Variants in CAMK1D observed in about 807,000 individuals in gnomAD.
The protein encoded by CAMK1D is calcium/calmodulin dependent protein kinase ID, also known as calcium/calmodulin-dependent protein kinase type 1D.
Under a neutral mutation model 47.7 loss-of-function variants are expected in CAMK1D, and 9 were observed. That is an observed-to-expected ratio of 0.19 (90% CI 0.11 to 0.33). The LOEUF (loss-of-function observed/expected upper bound fraction) is 0.33, where lower values mean the gene tolerates loss of function less well. Ranked by LOEUF, CAMK1D falls within the 10% of genes least tolerant of loss-of-function variation. The pLI, the probability that CAMK1D is intolerant of heterozygous loss-of-function variation, is 1.00. For missense variants in CAMK1D, 291 were observed against 488.7 expected (o/e 0.60, Z 3.81); for synonymous variants, 184 against 184.9 (o/e 0.99, Z 0.04).
chr10:12,389,015 CA>C (rs1427418722), intron 1 of CAMK1D, among the ~76,000 whole-genome samples: 1 of 152,180 alleles, frequency 6.6e-6, no homozygotes, highest in Non-Finnish European at 1.5e-5. Context: ...ATGGAGACAC[CA>C]CCATACTCCA....
At chr10:12,803,930 G>T (rs1011048443) in intron 6 of CAMK1D, among the ~76,000 whole-genome samples, 1 of 152,162 alleles carries the variant, frequency 6.6e-6, no homozygotes, top group African/African-American at 2.4e-5. Flanking sequence ...GGCTGGGAGC[G>T]GGAGGCGCCA....
intron 1 of CAMK1D, among the ~76,000 whole-genome samples, chr10:12,547,891 G>C (rs1836446371): frequency 6.6e-6 from 1 of 152,188 alleles, no homozygotes; most frequent in Admixed American, 6.5e-5. Context: ...TCTTTGGAAA[G>C]CTTAAAGCGG....
intron 3 of CAMK1D, among the ~76,000 whole-genome samples, chr10:12,755,311 A>G (rs1836179606): frequency 6.6e-6 from 1 of 152,156 alleles, no homozygotes; most frequent in Admixed American, 6.6e-5. Flanking sequence ...GTGTGGGATG[A>G]TGGACAGCTG....
intron 1 of CAMK1D, among the ~76,000 whole-genome samples, chr10:12,478,462 G>A (rs373474623): frequency 2.0e-5 from 3 of 151,670 alleles, no homozygotes; most frequent in East Asian, 1.9e-4. Context: ...CCACCATCCT[G>A]TCTAATTTTT....
chr10:12,386,628 C>T (rs978993779), intron 1 of CAMK1D, among the ~76,000 whole-genome samples: 4 of 152,182 alleles, frequency 2.6e-5, no homozygotes, highest in Admixed American at 1.3e-4. Flanking sequence ...AATAAGTTAA[C>T]AAATAATATG....
At chr10:12,502,946 G>A (rs11816627) in intron 1 of CAMK1D, among the ~76,000 whole-genome samples, 10,788 of 152,280 alleles carry the variant, frequency 0.071, 438 homozygotes, top group East Asian at 0.15. Context: ...GCGTCTCCAC[G>A]TTCTCCCCAT....
chr10:12,807,253 A>G (rs957865074), intron 6 of CAMK1D, among the ~76,000 whole-genome samples: 2 of 152,190 alleles, frequency 1.3e-5, no homozygotes, highest in African/African-American at 4.8e-5. Context: ...TTCTGGGTGC[A>G]TGGAACACAT....
chr10:12,504,002 T>A (rs897539197), intron 1 of CAMK1D, among the ~76,000 whole-genome samples: 2 of 152,138 alleles, frequency 1.3e-5, no homozygotes, highest in Admixed American at 1.3e-4. Context: ...CCGCATCCAC[T>A]GAGGCATGGA....
intron 2 of CAMK1D, among the ~76,000 whole-genome samples, chr10:12,637,952 C>T (rs80212308): frequency 0.01 from 1,530 of 152,282 alleles, 24 homozygotes; most frequent in African/African-American, 0.035. Context: ...GTAGCCTCAT[C>T]CTATCCACAG....
intron 1 of CAMK1D, among the ~76,000 whole-genome samples, chr10:12,511,863 C>T (rs956782822): frequency 6.6e-6 from 1 of 152,216 alleles, no homozygotes; most frequent in African/African-American, 2.4e-5. Context: ...GCCAAGCCAG[C>T]GGCATCTCCA....
At chr10:12,411,703 A>G (rs951465713) in intron 1 of CAMK1D, among the ~76,000 whole-genome samples, 2 of 150,160 alleles carry the variant, frequency 1.3e-5, no homozygotes, top group South Asian at 2.1e-4. Context: ...GGTTCAAGCG[A>G]TTCTTCTGCC....
chr10:12,634,528 A>G (rs1839461591), intron 2 of CAMK1D, among the ~76,000 whole-genome samples: 1 of 152,144 alleles, frequency 6.6e-6, no homozygotes, highest in Admixed American at 6.5e-5. Context: ...CCCATGGCTT[A>G]GTGGTGTGGG....
chr10:12,565,165 T>C (rs1837082002), intron 2 of CAMK1D, among the ~76,000 whole-genome samples: 2 of 152,206 alleles, frequency 1.3e-5, no homozygotes, highest in South Asian at 4.1e-4. Context: ...GAGCTATGAC[T>C]GTGCCACTGC....
intron 2 of CAMK1D, among the ~76,000 whole-genome samples, chr10:12,662,776 T>C (rs1490665572): frequency 6.6e-6 from 1 of 152,142 alleles, no homozygotes; most frequent in Non-Finnish European, 1.5e-5. Context: ...GGCACTGGGG[T>C]GACAGTAGTG....
chr10:12,708,678 G>T (rs969974587), intron 3 of CAMK1D, among the ~76,000 whole-genome samples: 4 of 152,172 alleles, frequency 2.6e-5, no homozygotes, highest in Non-Finnish European at 5.9e-5. Flanking sequence ...TAACTCCCAA[G>T]ACAGTATAAG....
chr10:12,764,315 A>C (rs1446962909), intron 4 of CAMK1D, among the ~76,000 whole-genome samples: 2 of 135,896 alleles, frequency 1.5e-5, no homozygotes, highest in Non-Finnish European at 3.1e-5. Flanking sequence ...GGGGAGGCAG[A>C]GGTTGCAGTG....
intron 1 of CAMK1D, among the ~76,000 whole-genome samples, chr10:12,352,376 G>C (rs887462626): frequency 2.0e-5 from 3 of 152,172 alleles, no homozygotes; most frequent in African/African-American, 7.2e-5. Flanking sequence ...TTGGGAGGCT[G>C]AGGCGAGCTG....
chr10:12,816,993 A>G lies in CAMK1D; in HGVS notation c.833+665A>G, dbSNP rs140045765. ...AGGCCTCACAATCGTGGTGGAAGGC[A>G]AGGAGTAGCAAGTCATATCTTACAT... On this transcript the variant is annotated intron_variant, in intron 8 of 10. Coordinates refer to ENST00000619168, the MANE Select transcript of CAMK1D (RefSeq NM_153498.4). Among the ~76,000 whole-genome samples the G allele has an allele frequency of 5.1e-4, 76 of 148,752 alleles. 4 individuals are homozygous for G. The East Asian group carries it at 0.014, about 26-fold the overall frequency.
intron 1 of CAMK1D, among the ~76,000 whole-genome samples, chr10:12,532,442 G>A (rs1259527464): frequency 6.6e-6 from 1 of 152,114 alleles, no homozygotes; most frequent in Non-Finnish European, 1.5e-5. Flanking sequence ...ACTACGCCTG[G>A]CTAATTTTTT....
Sources: gnomAD v4.1 joint callset for allele counts (sites outside exome capture counted in the v4.1 genomes callset) on GRCh38, gnomAD v4.1.1 for gene constraint, MANE v1.5 for transcripts, NCBI Gene and HGNC (gene_info 2026-07-23, HGNC 2026-07-21) for gene names.